The following GLIS3 variants were observed in gnomAD, a reference collection of about 807,000 sequenced individuals.
GLIS3 encodes GLIS family zinc finger 3, also known as zinc finger protein GLIS3.
A neutral mutation model predicts 78.6 loss-of-function variants in GLIS3; 53 were observed. The observed-to-expected ratio is 0.67, with a 90% CI of 0.54 to 0.85. GLIS3 has a LOEUF of 0.85. GLIS3 is among the 40% of genes least tolerant of loss of function. The pLI is 0.00. For synonymous variants in GLIS3, 684 were observed against 509.9 expected (o/e 1.34, Z -4.60); for missense variants, 1,703 against 1,231.1 (o/e 1.38, Z -5.74).
chr9:4,017,455 T>A (rs765516225), intron 4 of GLIS3, among the ~76,000 whole-genome samples: 1 of 151,718 alleles, frequency 6.6e-6, no homozygotes, highest in Non-Finnish European at 1.5e-5. Context: ...CACACACACA[T>A]GAGCGCGCGT....
chr9:4,336,229 A>G (rs1563937394), intron 2 of GLIS3, among the ~76,000 whole-genome samples: 1 of 152,208 alleles, frequency 6.6e-6, no homozygotes, highest in Non-Finnish European at 1.5e-5. Context: ...TGGATTCAAA[A>G]TCAGTCCTCT....
At chr9:4,041,055 T>C (rs1824772114) in intron 4 of GLIS3, among the ~76,000 whole-genome samples, 1 of 152,190 alleles carries the variant, frequency 6.6e-6, no homozygotes, top group Middle Eastern at 3.2e-3. Flanking sequence ...GTGGAGTGAG[T>C]ACCATCAAGA....
At chr9:3,936,981 C>T (rs1436702496) in intron 5 of GLIS3, 47 bp downstream of exon 5, 1 of 1,611,032 alleles carries the variant, frequency 6.2e-7, no homozygotes. Flanking sequence ...GGCACTTCCT[C>T]ACACCAGGCG....
At chr9:4,455,479 T>C in the GLIS3 span, among the ~76,000 whole-genome samples, 1 of 152,118 alleles carries the variant, frequency 6.6e-6, no homozygotes, top group African/African-American at 2.4e-5. Context: ...CAAACAGACA[T>C]AGGATCTTAG....
chr9:4,378,431 T>G, the GLIS3 span, among the ~76,000 whole-genome samples: 2 of 152,230 alleles, frequency 1.3e-5, no homozygotes, highest in Admixed American at 1.3e-4. Flanking sequence ...TTTATATTTT[T>G]TTCTTTCACC....
chr9:4,429,427 A>G, the GLIS3 span, among the ~76,000 whole-genome samples: 3 of 151,836 alleles, frequency 2.0e-5, no homozygotes, highest in Non-Finnish European at 4.4e-5. Context: ...TGTGGCTCTC[A>G]CTGCCTAGAA....
chr9:3,962,008 C>T (rs1458615531), intron 4 of GLIS3, among the ~76,000 whole-genome samples: 1 of 152,040 alleles, frequency 6.6e-6, no homozygotes, highest in Admixed American at 6.6e-5. Context: ...AGTTTGAAAA[C>T]ACCCTGGGCA....
intron 2 of GLIS3, among the ~76,000 whole-genome samples, chr9:4,228,057 A>G (rs1254414552): frequency 1.3e-5 from 2 of 152,166 alleles, no homozygotes; most frequent in East Asian, 1.9e-4. Context: ...CCCCATACTT[A>G]TAAGAACAAA....
intron 4 of GLIS3, among the ~76,000 whole-genome samples, chr9:4,102,193 T>C (rs1830419493): frequency 6.6e-6 from 1 of 152,118 alleles, no homozygotes. Context: ...AACCCCAGGG[T>C]CAACTAAGTA....
At position 3,998,465 on chromosome 9, in the gene GLIS3, T is replaced by G. The variant is rs1820896314; in HGVS notation, c.1711-61276A>C. Among the ~76,000 whole-genome samples, 3 of 152,060 alleles carry G rather than the reference T, an allele frequency of 2.0e-5. No individual in the cohort carries two copies. In the South Asian group the frequency reaches 6.2e-4, roughly 32 times the overall value. On this transcript the variant is annotated intron_variant, in intron 4 of 10. Coordinates refer to ENST00000381971, the MANE Select transcript of GLIS3 (RefSeq NM_001042413.2). ...ATTGTGGTTTAGAATTACAATAATG[T>G]ACTTACCTACTATATACTACTGTAT...
chr9:4,332,077 G>A (rs965892895), intron 2 of GLIS3, among the ~76,000 whole-genome samples: 3 of 152,168 alleles, frequency 2.0e-5, no homozygotes, highest in Admixed American at 6.5e-5. Context: ...ATTCCTCCAA[G>A]GATTTCTCAT....
chr9:3,951,841 A>AACACACACACACACACACACACACAC (rs3061609), intron 4 of GLIS3, among the ~76,000 whole-genome samples: 1 of 130,522 alleles, frequency 7.7e-6, no homozygotes, highest in African/African-American at 2.9e-5. Context: ...AATAAGCATG[A>AACACACACACACACACACACACACAC]ACACACACAC....
chr9:4,431,787 C>A, the GLIS3 span, among the ~76,000 whole-genome samples: 1 of 147,020 alleles, frequency 6.8e-6, no homozygotes, highest in African/African-American at 2.5e-5. Context: ...GAGGTTGTAG[C>A]GAGCCTAGAT....
chr9:4,314,531 CA>C (rs1340574932), intron 2 of GLIS3, among the ~76,000 whole-genome samples: 1 of 152,018 alleles, frequency 6.6e-6, no homozygotes, highest in African/African-American at 2.4e-5. Context: ...GGTCTTCAGG[CA>C]AAAAAGAAAG....
the GLIS3 span, among the ~76,000 whole-genome samples, chr9:4,452,322 G>A: frequency 6.6e-6 from 1 of 152,116 alleles, no homozygotes; most frequent in African/African-American, 2.4e-5. Flanking sequence ...GTTCTGGCCA[G>A]GGAAGTCAGG....
At chr9:4,005,957 T>C (rs1216023165) in intron 4 of GLIS3, among the ~76,000 whole-genome samples, 2 of 152,214 alleles carry the variant, frequency 1.3e-5, no homozygotes, top group African/African-American at 2.4e-5. Flanking sequence ...CTGAAGTGGT[T>C]CAGCATAGAC....
chr9:4,059,829 T>TGTGTGTGTGTGTGTGTGA lies in GLIS3; in HGVS notation c.1710+57938_1710+57939insTCACACACACACACACAC. Among the ~76,000 whole-genome samples, 410 of 100,694 alleles carry TGTGTGTGTGTGTGTGTGA rather than the reference T, an allele frequency of 4.1e-3. 5 individuals are homozygous for TGTGTGTGTGTGTGTGTGA. Among genetic ancestry groups the TGTGTGTGTGTGTGTGTGA allele is most frequent in the East Asian group, 0.019 (56 of 3,010 alleles). 66.1% of individuals were successfully genotyped at this position (100,694 alleles called of 152,430 possible). A position where few individuals can be genotyped will look rare whatever the true frequency, so the allele number is the denominator to read the frequency against. The stretch of plus-strand genomic sequence containing the variant: ...TTGTGTGTGTGTGTGTGTGTGTGTG[T>TGTGTGTGTGTGTGTGTGA]GAGAGAGAGAGAGAGAGAGAGAGAG... On this transcript the variant is annotated intron_variant, in intron 4 of 10. Transcript: ENST00000381971.
Position 3,937,312 on chromosome 9 carries a change from C to T in GLIS3, c.1711-123G>A, listed in dbSNP as rs368763498. The T allele has an allele frequency of 1.1e-5, 11 of 966,780 alleles. No homozygotes were observed. In the African/African-American group the frequency reaches 1.6e-4, roughly 14 times the overall value. The allele number at this position is 966,780 out of a possible 1,614,324, so 59.9% of individuals were successfully genotyped here. A position where few individuals can be genotyped will look rare whatever the true frequency, so the allele number is the denominator to read the frequency against. On this transcript the variant is annotated intron_variant, in intron 4 of 10. Coordinates refer to ENST00000381971, the MANE Select transcript of GLIS3 (RefSeq NM_001042413.2). ...CGAAAATGATAAAATAAAATCAAAT[C>T]CAAACAGTAATAAATATTGCTCCTA...
chr9:4,361,068 C>T, the GLIS3 span, among the ~76,000 whole-genome samples: 2 of 152,230 alleles, frequency 1.3e-5, no homozygotes, highest in South Asian at 4.1e-4. Flanking sequence ...TGAAACTCAA[C>T]ACTATTGTTA....
Sources: allele counts gnomAD v4.1 joint callset (sites outside exome capture counted in the v4.1 genomes callset), GRCh38; gene constraint gnomAD v4.1.1; transcripts MANE v1.5; gene names NCBI Gene and HGNC (gene_info 2026-07-23, HGNC 2026-07-21).